SRPK2: variants seen among roughly 807,000 people sequenced by gnomAD.
The protein encoded by SRPK2 is SRSF protein kinase 2, also known as SFRS protein kinase 2.
SRPK2 carries 21 observed loss-of-function variants against 90.8 expected under a neutral mutation model. That is an observed-to-expected ratio of 0.23 (90% CI 0.16 to 0.33). SRPK2 has a LOEUF of 0.33. SRPK2 is among the 10% of genes least tolerant of loss of function. SRPK2 has a pLI of 1.00. For synonymous variants in SRPK2, 288 were observed against 311.1 expected (o/e 0.93, Z 0.78); for missense variants, 620 against 869.0 (o/e 0.71, Z 3.60).
At chr7:105,159,464 A>ACAAAAAAAAAAAAAAAAAAAACAC (rs1230460659) in intron 7 of SRPK2, among the ~76,000 whole-genome samples, 5 of 141,592 alleles carry the variant, frequency 3.5e-5, no homozygotes, top group African/African-American at 1.5e-4. Context: ...AAAAAAAAAA[A>ACAAAAAAAAAAAAAAAAAAAACAC]AAAAAAAAAC....
chr7:105,247,239 CTG>C (rs1407920179), intron 2 of SRPK2, among the ~76,000 whole-genome samples: 1 of 152,160 alleles, frequency 6.6e-6, no homozygotes, highest in African/African-American at 2.4e-5. Flanking sequence ...CTCATAAACT[CTG>C]TGTTGTAAAA....
intron 2 of SRPK2, among the ~76,000 whole-genome samples, chr7:105,204,196 A>G (rs1585164517): frequency 1.3e-5 from 2 of 152,348 alleles, no homozygotes; most frequent in South Asian, 4.1e-4. Context: ...AGCAGCACTC[A>G]ACTTTTGAAA....
At chr7:105,204,593 G>A (rs1358718222) in intron 2 of SRPK2, 10 of 535,266 alleles carry the variant, frequency 1.9e-5, no homozygotes, top group East Asian at 1.8e-4. Flanking sequence ...GAATGCGTGC[G>A]CTGAAGATGA....
intron 3 of SRPK2, among the ~76,000 whole-genome samples, chr7:105,180,728 A>G (rs1458025900): frequency 6.6e-6 from 1 of 152,250 alleles, no homozygotes; most frequent in Non-Finnish European, 1.5e-5. Context: ...ACTGCACTCC[A>G]GCCTGGGTGA....
chr7:105,294,943 G>C (rs1809589089), intron 2 of SRPK2, among the ~76,000 whole-genome samples: 1 of 152,080 alleles, frequency 6.6e-6, no homozygotes, highest in Non-Finnish European at 1.5e-5. Context: ...GGGAGTGGTG[G>C]CTCACACTTC....
At chr7:105,201,308 C>T (rs1016910553) in intron 3 of SRPK2, among the ~76,000 whole-genome samples, 10 of 152,140 alleles carry the variant, frequency 6.6e-5, no homozygotes, top group Admixed American at 3.9e-4. Flanking sequence ...GGGGCTGGCA[C>T]GGGTATAAGG....
chr7:105,118,895 C>T, intron 15 of SRPK2, among the ~76,000 whole-genome samples: 1 of 152,174 alleles, frequency 6.6e-6, no homozygotes, highest in East Asian at 1.9e-4. Context: ...TGGGACAGAG[C>T]AAGCGAAACC....
chr7:105,230,879 C>T (rs1174365332), intron 2 of SRPK2, among the ~76,000 whole-genome samples: 4 of 152,140 alleles, frequency 2.6e-5, no homozygotes, highest in Non-Finnish European at 5.9e-5. Context: ...TTGTTTATGA[C>T]AGCCAACATA....
At chr7:105,205,421 C>T (rs771692024) in intron 2 of SRPK2, among the ~76,000 whole-genome samples, 1 of 152,020 alleles carries the variant, frequency 6.6e-6, no homozygotes, top group African/African-American at 2.4e-5. Flanking sequence ...GGGTAACAGA[C>T]ATCAGGATTG....
At chr7:105,217,327 T>C (rs1395659067) in intron 2 of SRPK2, among the ~76,000 whole-genome samples, 1 of 152,070 alleles carries the variant, frequency 6.6e-6, no homozygotes, top group Non-Finnish European at 1.5e-5. Flanking sequence ...AGATTTAAAG[T>C]TGAACATAAA....
At chr7:105,210,067 TA>T (rs1796671272) in intron 2 of SRPK2, among the ~76,000 whole-genome samples, 1 of 152,208 alleles carries the variant, frequency 6.6e-6, no homozygotes, top group Admixed American at 6.5e-5. Flanking sequence ...TCATCTGCTC[TA>T]AATTGCCATG....
At chr7:105,236,181 C>A (rs1800114409) in intron 2 of SRPK2, among the ~76,000 whole-genome samples, 1 of 152,174 alleles carries the variant, frequency 6.6e-6, no homozygotes, top group Admixed American at 6.5e-5. Context: ...ACACTCTGAT[C>A]TAGATTATGC....
intron 2 of SRPK2, among the ~76,000 whole-genome samples, chr7:105,336,878 C>T (rs1300054555): frequency 6.6e-6 from 1 of 152,080 alleles, no homozygotes; most frequent in Non-Finnish European, 1.5e-5. Flanking sequence ...TTTTGGCTCA[C>T]TGCAACCTCT....
At chr7:105,361,330 C>G (rs891221233) in intron 2 of SRPK2, among the ~76,000 whole-genome samples, 2 of 152,096 alleles carry the variant, frequency 1.3e-5, no homozygotes, top group Non-Finnish European at 1.5e-5. Context: ...AAAGAGGACA[C>G]AAACAAATGG....
At chr7:105,152,440 A>G (rs1017525660) in intron 7 of SRPK2, among the ~76,000 whole-genome samples, 3 of 152,142 alleles carry the variant, frequency 2.0e-5, no homozygotes, top group Admixed American at 6.5e-5. Flanking sequence ...GTGAGCCACC[A>G]TGCCTGGCCA....
intron 2 of SRPK2, among the ~76,000 whole-genome samples, chr7:105,225,663 T>C (rs1425748065): frequency 6.6e-6 from 1 of 152,366 alleles, no homozygotes; most frequent in East Asian, 1.9e-4. Context: ...ATTGTATTTA[T>C]AAAGTTTAAT....
chr7:105,388,475 C>T (rs1460005212), intron 2 of SRPK2, among the ~76,000 whole-genome samples, 173 bp downstream of exon 2: 1 of 147,460 alleles, frequency 6.8e-6, no homozygotes, highest in Non-Finnish European at 1.5e-5. Flanking sequence ...GCCCCTCCCC[C>T]GCCGCCGCCC....
intron 3 of SRPK2, among the ~76,000 whole-genome samples, chr7:105,191,412 A>T (rs1368245203): frequency 6.6e-6 from 1 of 152,126 alleles, no homozygotes; most frequent in Non-Finnish European, 1.5e-5. Flanking sequence ...TCTACAAAAA[A>T]ATTTAAACAT....
chr7:105,190,138 C>G (rs548548222), intron 3 of SRPK2, among the ~76,000 whole-genome samples: 1 of 152,338 alleles, frequency 6.6e-6, no homozygotes, highest in Admixed American at 6.5e-5. Context: ...GGACTCCGGT[C>G]TGGATCCTGC....
Sources: gnomAD v4.1 joint callset for allele counts (sites outside exome capture counted in the v4.1 genomes callset) on GRCh38, gnomAD v4.1.1 for gene constraint, MANE v1.5 for transcripts, NCBI Gene and HGNC (gene_info 2026-07-23, HGNC 2026-07-21) for gene names.